The following C2orf76 variants were observed in gnomAD, a reference collection of about 807,000 sequenced individuals.
C2orf76 encodes chromosome 2 open reading frame 76, also known as UPF0538 protein C2orf76.
In C2orf76, 23 loss-of-function variants were observed where a neutral mutation model predicts 16.9. The observed-to-expected ratio is 1.36, with a 90% CI of 0.98 to 1.93. C2orf76 has a LOEUF of 1.93. Ranked by LOEUF, C2orf76 falls within the 30% of genes most tolerant of loss-of-function variation. C2orf76 has a pLI of 0.00. For missense variants in C2orf76, 152 were observed against 152.6 expected, an observed-to-expected ratio of 1.00 and a Z score of 0.02; for synonymous variants, 48 against 52.3, an observed-to-expected ratio of 0.92 and a Z score of 0.35.
At chr2:119,327,092 T>C (rs1339839826) in intron 2 of C2orf76, among the ~76,000 whole-genome samples, 1 of 152,208 alleles carries the variant, frequency 6.6e-6, no homozygotes, top group Non-Finnish European at 1.5e-5. Flanking sequence ...CAGTACAATG[T>C]TGAATAGCAG....
the C2orf76 span, among the ~76,000 whole-genome samples, chr2:119,294,997 C>T: frequency 6.6e-6 from 1 of 151,900 alleles, no homozygotes; most frequent in Non-Finnish European, 1.5e-5. Flanking sequence ...TTGGAGGGGG[C>T]ACCAGAGGCA....
chr2:119,304,505 A>G (rs1219766388), intron 5 of C2orf76, among the ~76,000 whole-genome samples: 3 of 152,232 alleles, frequency 2.0e-5, no homozygotes, highest in African/African-American at 4.8e-5. Flanking sequence ...ACATCAATCC[A>G]TTATTTACAT....
At chr2:119,364,135 A>G (rs995182759) in intron 1 of C2orf76, among the ~76,000 whole-genome samples, 2 of 152,052 alleles carry the variant, frequency 1.3e-5, no homozygotes, top group Admixed American at 6.6e-5. Flanking sequence ...GAGAGAGAAG[A>G]GAGAAAGAGA....
chr2:119,302,785 T>TA lies in C2orf76; in HGVS notation c.305-238dup, dbSNP rs148766328. Among the ~76,000 whole-genome samples, 421 of 152,166 alleles carry TA rather than the reference T, an allele frequency of 2.8e-3. 2 individuals carry two copies. Among genetic ancestry groups the TA allele is most frequent in the African/African-American group, 9.6e-3 (397 of 41,524 alleles). On this transcript the variant is annotated intron_variant, in intron 5 of 5. Transcript: ENST00000334816. ...TTTAAAAGTAAAAAAGAACAAAAAA[T>TA]AAAAAACCAAAAATTAAAATCAAGA... is the stretch of plus-strand genomic sequence containing the variant.
At chr2:119,311,130 C>T in intron 5 of C2orf76, 1 of 983,092 alleles carries the variant, frequency 1.0e-6, no homozygotes. Context: ...GCTGGAAGGC[C>T]CAATCAGGTA....
Position 119,321,160 on chromosome 2 carries a change from T to C in C2orf76, c.178A>G (p.Lys60Glu). 7.1e-7 allele frequency: 1 copy of C among 1,412,608 alleles called. No individual in the cohort carries two copies. The highest frequency in any genetic ancestry group is 9.6e-7 in the Non-Finnish European group (1 of 1,039,772). The allele number at this position is 1,412,608 out of a possible 1,614,324, so 87.5% of individuals were successfully genotyped here. A position where few individuals can be genotyped will look rare whatever the true frequency, so the allele number is the denominator to read the frequency against. ...TNLPPPFRNY[K>E]YDALKIIHQA... ...AGAATAAAAAAATGGTTACCATATT[T>C]ATAATTTCTGAATGGTGGTGGCAGG... The change falls in exon 3 of 6, where the codon AAA becomes GAA. Residue 60 changes from lysine (K) to glutamate (E), a missense_variant. Lys to Glu is a moderately conservative substitution (Grantham distance 56). Transcript: ENST00000334816.
At chr2:119,356,408 A>AG (rs1221095488) in intron 1 of C2orf76, among the ~76,000 whole-genome samples, 1 of 151,904 alleles carries the variant, frequency 6.6e-6, no homozygotes, top group East Asian at 1.9e-4. Flanking sequence ...AAAAAAAAAA[A>AG]AAAAGGAAAC....
intron 5 of C2orf76, among the ~76,000 whole-genome samples, chr2:119,303,282 A>T (rs949357049): frequency 6.6e-6 from 1 of 152,262 alleles, no homozygotes; most frequent in African/African-American, 2.4e-5. Context: ...ATAAGTCAGC[A>T]ACATTATTAA....
At chr2:119,356,655 A>G (rs1227593068) in intron 1 of C2orf76, among the ~76,000 whole-genome samples, 1 of 152,002 alleles carries the variant, frequency 6.6e-6, no homozygotes, top group African/African-American at 2.4e-5. Context: ...TAATGAGTGG[A>G]AATCAATACA....
downstream of C2orf76, among the ~76,000 whole-genome samples, chr2:119,301,098 C>CACACACACACAT (rs1678614082): frequency 7.0e-6 from 1 of 142,038 alleles, no homozygotes; most frequent in African/African-American, 3.1e-5. Context: ...CACACACACA[C>CACACACACACAT]ACACACAACT....
At chr2:119,361,747 T>C (rs532354602) in intron 1 of C2orf76, among the ~76,000 whole-genome samples, 6 of 152,180 alleles carry the variant, frequency 3.9e-5, no homozygotes, top group South Asian at 4.1e-4. Context: ...CAGGCCTCCA[T>C]TGGGGGGGTC....
intron 1 of C2orf76, among the ~76,000 whole-genome samples, chr2:119,363,306 C>G (rs1234218400): frequency 6.6e-6 from 1 of 151,950 alleles, no homozygotes; most frequent in Non-Finnish European, 1.5e-5. Context: ...CACCCATAGT[C>G]CCAGCTACTC....
intron 1 of C2orf76, among the ~76,000 whole-genome samples, chr2:119,354,168 A>T (rs1237235947): frequency 6.6e-6 from 1 of 152,154 alleles, no homozygotes; most frequent in Admixed American, 6.5e-5. Context: ...TCTGCTTTAA[A>T]TTTTTTCAAA....
At chr2:119,308,285 G>A (rs191166112) in intron 5 of C2orf76, among the ~76,000 whole-genome samples, 61 of 152,314 alleles carry the variant, frequency 4.0e-4, no homozygotes, top group East Asian at 3.5e-3. Flanking sequence ...TAATTTTGGC[G>A]TATGATCTTT....
Position 119,366,805 on chromosome 2 carries a change from C to A in C2orf76, c.-28G>T. 1 of 582,120 alleles carries A rather than the reference C, an allele frequency of 1.7e-6. No homozygotes were observed. The highest frequency in any genetic ancestry group is 2.1e-5 in the South Asian group (1 of 47,146). The allele number at this position is 582,120 out of a possible 1,614,324, so 36.1% of individuals were successfully genotyped here. Reference sequence around the variant, plus strand: ...TTGTCCCCACCTGTTCCCGGCGTCCCCTTCGGCTACTCCCGGCGTTTGCGC... The same window carrying A: ...TTGTCCCCACCTGTTCCCGGCGTCCACTTCGGCTACTCCCGGCGTTTGCGC... On this transcript the variant is annotated 5_prime_UTR_variant, in exon 1 of 6. Coordinates refer to ENST00000334816, the MANE Select transcript of C2orf76 (RefSeq NM_001322331.2).
At chr2:119,309,171 C>T (rs1337552877) in intron 5 of C2orf76, among the ~76,000 whole-genome samples, 1 of 152,114 alleles carries the variant, frequency 6.6e-6, no homozygotes. Flanking sequence ...GGATTACAAG[C>T]ATGAGCCACT....
intron 1 of C2orf76, among the ~76,000 whole-genome samples, chr2:119,359,840 G>A (rs751510654): frequency 1.4e-4 from 22 of 152,068 alleles, no homozygotes; most frequent in Admixed American, 3.3e-4. Flanking sequence ...GTGTTGAAAC[G>A]ACAAAAAAAG....
intron 2 of C2orf76, among the ~76,000 whole-genome samples, chr2:119,334,138 T>C (rs1679763118): frequency 6.6e-6 from 1 of 152,096 alleles, no homozygotes; most frequent in African/African-American, 2.4e-5. Context: ...CTGAAAAGTC[T>C]ACATACTGTA....
At chr2:119,339,167 C>T (rs1244093760) in intron 2 of C2orf76, 1 of 152,170 alleles carries the variant, frequency 6.6e-6, no homozygotes, top group Non-Finnish European at 1.5e-5. Context: ...TGGAACTATA[C>T]AAGAAATCTG....
Sources: allele counts gnomAD v4.1 joint callset (sites outside exome capture counted in the v4.1 genomes callset), GRCh38; gene constraint gnomAD v4.1.1; transcripts MANE v1.5; gene names NCBI Gene and HGNC (gene_info 2026-07-23, HGNC 2026-07-21).